ACTR3B: variants seen among roughly 807,000 people sequenced by gnomAD.
ACTR3B encodes the protein actin-related protein 3B.
A neutral mutation model predicts 59.0 loss-of-function variants in ACTR3B; 8 were observed. The observed-to-expected ratio is 0.14, with a 90% CI of 0.08 to 0.24. The LOEUF is 0.24. Ranked by LOEUF, ACTR3B falls within the 10% of genes least tolerant of loss-of-function variation. The pLI is 1.00. For synonymous variants in ACTR3B, 148 were observed against 197.9 expected, an observed-to-expected ratio of 0.75 and a Z score of 2.12; for missense variants, 245 against 552.3, an observed-to-expected ratio of 0.44 and a Z score of 5.58.
At chr7:152,851,285 A>G (rs57407038) in intron 9 of ACTR3B, among the ~76,000 whole-genome samples, 11,719 of 152,300 alleles carry the variant, frequency 0.077, 678 homozygotes, top group African/African-American at 0.16. Context: ...TTTCTGTACC[A>G]TACTCACCCT....
At chr7:152,792,795 A>G (rs2098201385) in intron 2 of ACTR3B, among the ~76,000 whole-genome samples, 1 of 151,954 alleles carries the variant, frequency 6.6e-6, no homozygotes, top group African/African-American at 2.4e-5. Flanking sequence ...AACAAAAATA[A>G]TGGACTGCCT....
intron 4 of ACTR3B, chr7:152,811,854 T>TG (rs1178035630): frequency 2.0e-5 from 3 of 148,906 alleles, no homozygotes; most frequent in Non-Finnish European, 4.5e-5. Context: ...CTAATGCCTC[T>TG]GATACTTTAT....
At chr7:152,823,165 A>G (rs1195939124) in intron 7 of ACTR3B, among the ~76,000 whole-genome samples, 177 bp from the exon 8 acceptor site, 2 of 152,218 alleles carry the variant, frequency 1.3e-5, no homozygotes, top group Admixed American at 6.5e-5. Flanking sequence ...AAGTGTAACC[A>G]TGTCTAACAT....
Position 152,853,503 on chromosome 7 carries a change from G to C in ACTR3B, c.1087G>C (p.Val363Leu), listed in dbSNP as rs1799005371. The C allele has an allele frequency of 6.2e-7, 1 of 1,614,004 alleles. No individual in the cohort carries two copies. The highest frequency in any genetic ancestry group is 8.5e-7 in the Non-Finnish European group (1 of 1,179,968). The change falls in exon 11 of 12, where the codon GTG becomes CTG. Residue 363 changes from valine to leucine, a missense_variant. Val to Leu is a conservative substitution (Grantham distance 32, BLOSUM62 1). This residue lies in a region of ACTR3B where 153 missense variants were observed against 266.2 expected (regional missense o/e 0.57). Transcript: ENST00000256001. Reference protein sequence around the residue: ...LSGGRIKPKPVEVQVVTHHMQ... With the variant: ...LSGGRIKPKPLEVQVVTHHMQ... ...CTGCTTTCTCTTCCAGCCGAAGCCT[G>C]TGGAGGTCCAGGTGGTCACGCATCA... is the stretch of plus-strand genomic sequence containing the variant.
chr7:152,782,210 A>G (rs1284967976), intron 1 of ACTR3B, among the ~76,000 whole-genome samples: 1 of 150,432 alleles, frequency 6.6e-6, no homozygotes, highest in Non-Finnish European at 1.5e-5. Flanking sequence ...TTGAATGAAT[A>G]AAGTTAGTTT....
intron 2 of ACTR3B, among the ~76,000 whole-genome samples, chr7:152,785,481 G>GAC (rs1554434196): frequency 7.3e-5 from 1 of 13,658 alleles, no homozygotes; most frequent in Non-Finnish European, 1.1e-4. Flanking sequence ...GAGGGAGAGA[G>GAC]AGAGAGAGAG....
chr7:152,790,374 G>A (rs1460431182), intron 2 of ACTR3B, among the ~76,000 whole-genome samples: 1 of 152,086 alleles, frequency 6.6e-6, no homozygotes, highest in Admixed American at 6.5e-5. Context: ...TAGAGATGGG[G>A]GTCTCTCTTT....
At chr7:152,801,894 C>G (rs1452261033) in intron 4 of ACTR3B, among the ~76,000 whole-genome samples, 163 bp downstream of exon 4, 1 of 93,712 alleles carries the variant, frequency 1.1e-5, no homozygotes, top group African/African-American at 2.9e-5. Context: ...ATGTTCAGAA[C>G]AAAAAGGGCT....
chr7:152,815,521 T>A (rs1307021630), intron 5 of ACTR3B, among the ~76,000 whole-genome samples: 1 of 152,108 alleles, frequency 6.6e-6, no homozygotes, highest in African/African-American at 2.4e-5. Context: ...AAGCACAGAT[T>A]TTGGGCTTCG....
At chr7:152,767,306 A>G (rs71541776) in intron 1 of ACTR3B, among the ~76,000 whole-genome samples, 20,754 of 152,044 alleles carry the variant, frequency 0.14, 3,043 homozygotes, top group East Asian at 0.71. Context: ...TGTCTATGCA[A>G]TTGTGTTTCT....
At chr7:152,785,527 G>GAGAGAGA (rs1260997106) in intron 2 of ACTR3B, among the ~76,000 whole-genome samples, 1 of 138,718 alleles carries the variant, frequency 7.2e-6, no homozygotes, top group South Asian at 2.5e-4. Flanking sequence ...AGAAGAGAGA[G>GAGAGAGA]AAGAGAGGCA....
intron 1 of ACTR3B, among the ~76,000 whole-genome samples, chr7:152,774,759 TATTGA>T (rs1480969485): frequency 6.6e-6 from 1 of 152,190 alleles, no homozygotes; most frequent in Non-Finnish European, 1.5e-5. Flanking sequence ...GAACTTTATA[TATTGA>T]ATTCTTCGTT....
In ACTR3B at chr7:152,807,797, C is replaced by T. The variant is rs563510737; in HGVS notation, c.336+6066C>T. Among the ~76,000 whole-genome samples, 3 of 152,266 alleles carry T rather than the reference C, an allele frequency of 2.0e-5. No individual in the cohort carries two copies. The South Asian group carries it at 6.2e-4, about 32-fold the overall frequency. Reference sequence around the variant, plus strand: ...GCGAGCTGTCTGTTCATGCCCTGTGCTCTTTTACGTATCGTTGTTTTATTG... The same window carrying T: ...GCGAGCTGTCTGTTCATGCCCTGTGTTCTTTTACGTATCGTTGTTTTATTG... On this transcript the variant is annotated intron_variant, in intron 4 of 11. Transcript: ENST00000256001.
chr7:152,838,068 CTGTTTGTCATG>C (rs1164135958), intron 9 of ACTR3B, among the ~76,000 whole-genome samples: 2 of 151,676 alleles, frequency 1.3e-5, no homozygotes, highest in Non-Finnish European at 2.9e-5. Context: ...TTTTGATTTT[CTGTTTGTCATG>C]TGCAACATGG....
intron 9 of ACTR3B, among the ~76,000 whole-genome samples, chr7:152,839,076 C>G (rs1312201012): frequency 6.6e-6 from 1 of 150,966 alleles, no homozygotes; most frequent in Non-Finnish European, 1.5e-5. Flanking sequence ...TGATGGGCAG[C>G]TAGACGGTGA....
chr7:152,787,860 A>C (rs536028011), intron 2 of ACTR3B, among the ~76,000 whole-genome samples: 9 of 151,464 alleles, frequency 5.9e-5, no homozygotes, highest in Admixed American at 5.9e-4. Context: ...CTTACTCTTT[A>C]GTGTTCATTT....
chr7:152,818,676 C>G (rs924190879), intron 6 of ACTR3B, among the ~76,000 whole-genome samples: 2 of 152,200 alleles, frequency 1.3e-5, no homozygotes, highest in Middle Eastern at 3.2e-3. Flanking sequence ...CTCAAACTGC[C>G]GACCTCAGGT....
At chr7:152,800,476 C>T in intron 2 of ACTR3B, 55 bp from the exon 3 acceptor site, 1 of 1,587,672 alleles carries the variant, frequency 6.3e-7, no homozygotes, top group Non-Finnish European at 8.6e-7. Context: ...CCCTTTTGAT[C>T]ATTTAAATAG....
Position 152,759,907 on chromosome 7 carries a change from G to C in ACTR3B, c.25G>C (p.Val9Leu). 1 of 1,393,622 alleles carries C rather than the reference G, an allele frequency of 7.2e-7. No homozygotes were observed. Among genetic ancestry groups the C allele is most frequent in the South Asian group, 1.5e-5 (1 of 67,260 alleles). The allele number at this position is 1,393,622 out of a possible 1,614,324, so 86.3% of individuals were successfully genotyped here. A position where few individuals can be genotyped will look rare whatever the true frequency, so the allele number is the denominator to read the frequency against. MAGSLPPC[V>L]VDCGTGYTKL... ...CATGGCAGGCTCCCTGCCTCCCTGC[G>C]TGGTGGACTGTGGCACCGGGTAAGA... The change falls in exon 1 of 12, where the codon GTG (valine) becomes CTG (leucine). Residue 9 changes from valine to leucine, a missense_variant. By Grantham distance (32) the Val-to-Leu change is conservative. Around this residue, in one of 7 missense-constraint regions of ACTR3B, gnomAD observed 15 missense variants for 20.6 expected, o/e 0.73. Transcript: ENST00000256001.
Sources: gnomAD v4.1 joint callset for allele counts (sites outside exome capture counted in the v4.1 genomes callset) on GRCh38, gnomAD v4.1.1 for gene constraint, gnomAD v4.1.1 regional missense constraint, MANE v1.5 for transcripts, NCBI Gene and HGNC (gene_info 2026-07-23, HGNC 2026-07-21) for gene names.